Variants in RAB40B observed in about 807,000 individuals in gnomAD.
The protein encoded by RAB40B is RAB40B, member RAS oncogene family, also known as ras-related protein Rab-40B.
In RAB40B, 21 loss-of-function variants were observed where a neutral mutation model predicts 24.0. That is an observed-to-expected ratio of 0.88 (90% CI 0.62 to 1.26). RAB40B has a LOEUF of 1.26. Among genes scored for constraint, RAB40B ranks in the 50% most tolerant of loss-of-function variants. RAB40B has a pLI of 0.00. For synonymous variants in RAB40B, 167 were observed against 169.8 expected (o/e 0.98, Z 0.13); for missense variants, 348 against 390.5 (o/e 0.89, Z 0.92).
At chr17:82,658,406 G>T (rs777283212) in intron 5 of RAB40B, 85 bp downstream of exon 5, 1 of 1,462,722 alleles carries the variant, frequency 6.8e-7, no homozygotes. Context: ...CGGGTCCCGG[G>T]AGGCAGACAC....
At chr17:82,664,154 G>A (rs1598297444) in intron 2 of RAB40B, among the ~76,000 whole-genome samples, 1 of 135,874 alleles carries the variant, frequency 7.4e-6, no homozygotes, top group South Asian at 2.4e-4. Context: ...GTGGTGGTGG[G>A]AGGGTGTTCC....
rs528746514 is a variant in RAB40B, at chr17:82,663,967, G to A, written c.203+529C>T. 5.1e-4 allele frequency among the ~76,000 whole-genome samples: 77 copies of A among 151,264 alleles called. No homozygotes were observed. Among genetic ancestry groups the A allele is most frequent in the Non-Finnish European group, 1.1e-3 (71 of 67,612 alleles). On this transcript the variant is annotated intron_variant, in intron 2 of 5. Coordinates refer to ENST00000571995, the MANE Select transcript of RAB40B (RefSeq NM_006822.3). The surrounding 1 kb of genome is among the most constrained non-coding windows in gnomAD (Gnocchi z 6.2). ...GCAGCTGGGGCTGGGGGTGCTCCCC[G>A]GGGCGCTGTGCCGACGGTGGTGGTG... is the stretch of plus-strand genomic sequence containing the variant.
chr17:82,685,684 G>A (rs374248219), intron 1 of RAB40B, among the ~76,000 whole-genome samples: 44 of 152,324 alleles, frequency 2.9e-4, no homozygotes, highest in South Asian at 6.2e-4. Flanking sequence ...TCATGAGAAC[G>A]AAACTGTCCT....
At chr17:82,691,910 A>C (rs2046562328) in intron 1 of RAB40B, among the ~76,000 whole-genome samples, 1 of 152,138 alleles carries the variant, frequency 6.6e-6, no homozygotes, top group Non-Finnish European at 1.5e-5. Flanking sequence ...GCCAGACGGA[A>C]ATGGGGTCCA....
rs531742106 is a variant in RAB40B at position 82,671,179 on chromosome 17, C to A, written c.143-6623G>T. ...CACAGTCACACACATCCTGTACTCA[C>A]TGACACACCCCACCCCCGTAACTCT... On this transcript the variant is annotated intron_variant, in intron 1 of 5. Transcript: ENST00000571995. Among the ~76,000 whole-genome samples, 10 of 150,318 alleles carry A rather than the reference C, an allele frequency of 6.7e-5. No homozygotes were observed. The East Asian group carries it at 1.8e-3, about 27-fold the overall frequency.
chr17:82,694,826 C>G (rs1217076373), intron 1 of RAB40B, among the ~76,000 whole-genome samples: 2 of 151,592 alleles, frequency 1.3e-5, no homozygotes, highest in African/African-American at 2.4e-5. Flanking sequence ...AGTATTATAC[C>G]CAGCCAAGAT....
chr17:82,672,812 T>C (rs537323750), intron 1 of RAB40B, among the ~76,000 whole-genome samples: 2 of 152,346 alleles, frequency 1.3e-5, no homozygotes, highest in African/African-American at 4.8e-5. Context: ...CAACAGAAAA[T>C]GACACCAGGT....
chr17:82,687,620 C>T (rs1049482070), intron 1 of RAB40B, among the ~76,000 whole-genome samples: 6 of 152,190 alleles, frequency 3.9e-5, no homozygotes, highest in African/African-American at 1.4e-4. Flanking sequence ...CGTTGTTCTC[C>T]ACTGACAGCT....
chr17:82,660,971 G>A lies in RAB40B; in HGVS notation c.264+16C>T, dbSNP rs777620647. The A allele has an allele frequency of 1.2e-6, 2 of 1,612,996 alleles. No individual in the cohort carries two copies. The highest frequency in any genetic ancestry group is 1.7e-6 in the Non-Finnish European group (2 of 1,179,292). On this transcript the variant is annotated intron_variant, in intron 3 of 5. Coordinates refer to ENST00000571995, the MANE Select transcript of RAB40B (RefSeq NM_006822.3). ...AAAGTTGGTTTGATCTCCCAGCTCG[G>A]GGGATGCTGTGTTACCTGTGCGCCC...
Position 82,658,248 on chromosome 17 carries a change from C to T in RAB40B, c.566-114G>A, listed in dbSNP as rs1032300152. On this transcript the variant is annotated intron_variant, in intron 5 of 5. Coordinates refer to ENST00000571995, the MANE Select transcript of RAB40B (RefSeq NM_006822.3). ...TCCCAAGGCTCGGACGCCCGTGGCC[C>T]TGGCTTGTACATGCAGCAAGCCCTG... 2.1e-6 allele frequency: 3 copies of T among 1,413,920 alleles called. No homozygotes were observed. In the East Asian group the frequency reaches 7.1e-5, roughly 33 times the overall value. The allele number at this position is 1,413,920 out of a possible 1,614,324, so 87.6% of individuals were successfully genotyped here.
chr17:82,670,534 A>ATT (rs200923067), intron 1 of RAB40B, among the ~76,000 whole-genome samples: 15 of 129,782 alleles, frequency 1.2e-4, no homozygotes, highest in African/African-American at 2.9e-4. Context: ...AGAATTCCTG[A>ATT]TTTTTTTTTT....
chr17:82,664,284 C>T (rs866578953), intron 2 of RAB40B, among the ~76,000 whole-genome samples: 38 of 136,168 alleles, frequency 2.8e-4, no homozygotes, highest in Middle Eastern at 5.2e-3. Flanking sequence ...GGAGGGTGCT[C>T]CCCGGGGTGC....
intron 1 of RAB40B, among the ~76,000 whole-genome samples, chr17:82,694,817 G>A (rs1770664478): frequency 6.6e-6 from 1 of 151,612 alleles, no homozygotes. Flanking sequence ...AAATCTAAGA[G>A]TATTATACCC....
chr17:82,698,554 GC>G lies in RAB40B; in HGVS notation c.42del (p.Leu15SerfsTer49). 6.6e-7 allele frequency: 1 copy of G among 1,522,680 alleles called. No homozygotes were observed. Among genetic ancestry groups the G allele is most frequent in the Non-Finnish European group, 8.9e-7 (1 of 1,129,586 alleles). 94.3% of individuals were successfully genotyped at this position (1,522,680 alleles called of 1,614,324 possible). ...CTGTCGCCCACCAGCAGGAACTTGAGCAGAAAGTCGTAGGCCCGGACCGGGC... is the reference window on the plus strand; with the variant it reads ...CTGTCGCCCACCAGCAGGAACTTGAGAGAAAGTCGTAGGCCCGGACCGGGC... ...LGSPVRAYDF[L>X]LKFLLVGDSD... On this transcript the variant is annotated frameshift_variant, in exon 1 of 6. Transcript: ENST00000571995. LOFTEE classifies it high-confidence loss of function.
chr17:82,659,701 GGCA>G, intron 3 of RAB40B, 44 bp from the exon 4 acceptor site: 3 of 1,507,338 alleles, frequency 2.0e-6, no homozygotes, highest in Non-Finnish European at 2.8e-6. Flanking sequence ...CACAGATGCA[GGCA>G]CAGCTGTGGC....
At chr17:82,693,432 G>T (rs1413935301) in intron 1 of RAB40B, among the ~76,000 whole-genome samples, 1 of 152,260 alleles carries the variant, frequency 6.6e-6, no homozygotes, top group East Asian at 1.9e-4. Flanking sequence ...TGAGAGGGAA[G>T]ATGATGCAGC....
At chr17:82,693,681 C>T (rs1013274591) in intron 1 of RAB40B, among the ~76,000 whole-genome samples, 11 of 152,126 alleles carry the variant, frequency 7.2e-5, no homozygotes, top group Non-Finnish European at 1.5e-5. Flanking sequence ...GAATAAATCA[C>T]GGTAGAGTCA....
Position 82,678,634 on chromosome 17 carries a change from C to G in RAB40B, c.143-14078G>C, listed in dbSNP as rs537206704. ...TGTACAGACGTATTCATCTCTCAGC[C>G]CAGCTTTTGAGAAATCTGTCTTATG... is the stretch of plus-strand genomic sequence containing the variant. On this transcript the variant is annotated intron_variant, in intron 1 of 5. Transcript: ENST00000571995. 3.0e-4 allele frequency among the ~76,000 whole-genome samples: 46 copies of G among 152,278 alleles called. 1 individual carries two copies. The South Asian group carries it at 9.3e-3, about 31-fold the overall frequency.
At chr17:82,659,074 C>G (rs773243922) in intron 4 of RAB40B, 1 of 277,422 alleles carries the variant, frequency 3.6e-6, no homozygotes, top group Non-Finnish European at 6.9e-6. Context: ...AGTGGCCCTG[C>G]CGACACCTTG....
Sources: allele counts gnomAD v4.1 joint callset (sites outside exome capture counted in the v4.1 genomes callset), GRCh38; gene constraint gnomAD v4.1.1; non-coding constraint Gnocchi (gnomAD v3.1); transcripts MANE v1.5; gene names NCBI Gene and HGNC (gene_info 2026-07-23, HGNC 2026-07-21).